Variants in CDK13 observed in about 807,000 individuals in gnomAD.
The protein encoded by CDK13 is cyclin-dependent kinase 13.
CDK13 carries 40 observed loss-of-function variants against 137.6 expected under a neutral mutation model. The ratio of observed to expected loss-of-function variants is 0.29; its 90% CI spans 0.23 to 0.38. CDK13 has a LOEUF of 0.38. CDK13 is among the 10% of genes least tolerant of loss of function. CDK13 has a pLI of 1.00. For missense variants in CDK13, 1,704 were observed against 1,951.8 expected (o/e 0.87, Z 2.39); for synonymous variants, 869 against 760.1 (o/e 1.14, Z -2.36).
chr7:40,014,267 C>T (rs1022438639), intron 5 of CDK13, among the ~76,000 whole-genome samples: 2 of 151,630 alleles, frequency 1.3e-5, no homozygotes, highest in Admixed American at 6.6e-5. Context: ...CGGGGTTTCA[C>T]CATGTTGGTC....
chr7:40,025,660 C>T (rs1057181604), intron 5 of CDK13, among the ~76,000 whole-genome samples: 6 of 152,128 alleles, frequency 3.9e-5, no homozygotes, highest in African/African-American at 7.2e-5. Flanking sequence ...TTTTAAAACA[C>T]ATTTTTATAA....
intron 5 of CDK13, among the ~76,000 whole-genome samples, chr7:40,031,828 G>GTTGTTATTA (rs1279341093): frequency 4.3e-5 from 6 of 139,106 alleles, no homozygotes; most frequent in African/African-American, 7.9e-5. Flanking sequence ...TATTATTATT[G>GTTGTTATTA]TTATTATTAT....
intron 1 of CDK13, among the ~76,000 whole-genome samples, chr7:39,981,031 T>C (rs75094942): frequency 0.039 from 5,967 of 152,222 alleles, 344 homozygotes; most frequent in African/African-American, 0.13. Flanking sequence ...ACAGGTAATA[T>C]GTATTCATTA....
chr7:40,082,486 CAAAAAAAAAAAAAAAAAA>C (rs70996879), intron 11 of CDK13, among the ~76,000 whole-genome samples: 21,056 of 76,474 alleles, frequency 0.28, 5,242 homozygotes, highest in African/African-American at 0.6. Context: ...ACTCCATTTC[CAAAAAAAAAAAAAAAAAA>C]AAAAAAAAAG....
At position 39,996,961 on chromosome 7, in the gene CDK13, C is replaced by CAAAAAAAAAAAA. The variant is rs72210233; in HGVS notation, c.1872-529_1872-518dup. On this transcript the variant is annotated intron_variant, in intron 2 of 13. Transcript: ENST00000181839. ...CTTGGGTGACAGTGAGATTCCATCT[C>CAAAAAAAAAAAA]AAAAAAAAAAAAAAAGAAAAAAAAA... Among the ~76,000 whole-genome samples, 94 of 83,182 alleles carry CAAAAAAAAAAAA rather than the reference C, an allele frequency of 1.1e-3. 6 individuals are homozygous for CAAAAAAAAAAAA. The highest frequency in any genetic ancestry group is 6.5e-3 in the African/African-American group (83 of 12,674). The allele number at this position is 83,182 out of a possible 152,430, so 54.6% of individuals were successfully genotyped here. A position where few individuals can be genotyped will look rare whatever the true frequency, so the allele number is the denominator to read the frequency against.
intron 11 of CDK13, among the ~76,000 whole-genome samples, chr7:40,081,136 G>A (rs1786654787): frequency 6.6e-6 from 1 of 151,934 alleles, no homozygotes; most frequent in Admixed American, 6.6e-5. Flanking sequence ...TAGCTCTTTG[G>A]TAAAATATTT....
Position 40,045,934 on chromosome 7 carries a change from A to G in CDK13, c.2452A>G (p.Met818Val). 6.2e-7 allele frequency: 1 copy of G among 1,613,048 alleles called. No homozygotes were observed. Among genetic ancestry groups the G allele is most frequent in the Non-Finnish European group, 8.5e-7 (1 of 1,179,114 alleles). ...TAATGAAAATCACATAAAGTCATTT[A>G]TGAGACAGCTCATGGAGGGTCTGGA... is the stretch of plus-strand genomic sequence containing the variant. ...HFNENHIKSF[M>V]RQLMEGLDYC... is the part of the protein sequence containing the mutation. Residue 818 changes from methionine to valine, a missense_variant, in exon 6 of 14, where the codon ATG becomes GTG. Around this residue, in one of 5 missense-constraint regions of CDK13, gnomAD observed 130 missense variants for 362.4 expected, o/e 0.36. Coordinates refer to ENST00000181839, the MANE Select transcript of CDK13 (RefSeq NM_003718.5).
At chr7:40,023,777 G>T (rs1441125399) in intron 5 of CDK13, among the ~76,000 whole-genome samples, 3 of 152,122 alleles carry the variant, frequency 2.0e-5, no homozygotes, top group South Asian at 2.1e-4. Context: ...GAGCCACCAC[G>T]CCCGGCCCTG....
chr7:40,079,084 C>T (rs1358916356), intron 11 of CDK13, among the ~76,000 whole-genome samples: 1 of 152,016 alleles, frequency 6.6e-6, no homozygotes, highest in Non-Finnish European at 1.5e-5. Flanking sequence ...TAATTTTAGG[C>T]TTGATTGACC....
At chr7:40,043,096 C>G (rs139951377) in intron 5 of CDK13, among the ~76,000 whole-genome samples, 1,885 of 152,306 alleles carry the variant, frequency 0.012, 17 homozygotes, top group Non-Finnish European at 0.017. Flanking sequence ...CCTTTTATCT[C>G]TCTTCCATAT....
At chr7:40,047,118 C>G (rs1347933853) in intron 6 of CDK13, among the ~76,000 whole-genome samples, 1 of 151,230 alleles carries the variant, frequency 6.6e-6, no homozygotes, top group African/African-American at 2.4e-5. Flanking sequence ...GTGAATGGAT[C>G]ATCTGATAAG....
intron 1 of CDK13, chr7:39,984,490 T>G (rs780035322): frequency 6.6e-6 from 1 of 152,246 alleles, no homozygotes; most frequent in African/African-American, 2.4e-5. Flanking sequence ...TAAAAAAATT[T>G]TGTGGGTGCA....
intron 2 of CDK13, among the ~76,000 whole-genome samples, chr7:39,989,927 C>T (rs1394090497): frequency 3.5e-5 from 4 of 114,722 alleles, no homozygotes; most frequent in Admixed American, 9.6e-5. Context: ...GGACTACAGG[C>T]GCCCGCCACC....
intron 5 of CDK13, among the ~76,000 whole-genome samples, chr7:40,004,376 A>G (rs917755619): frequency 6.6e-6 from 1 of 152,162 alleles, no homozygotes; most frequent in Non-Finnish European, 1.5e-5. Flanking sequence ...CCTGTTTGTA[A>G]TTCTATGCAT....
intron 1 of CDK13, among the ~76,000 whole-genome samples, chr7:39,960,214 C>G (rs921996180): frequency 4.6e-5 from 5 of 109,426 alleles, no homozygotes; most frequent in African/African-American, 1.4e-4. Flanking sequence ...TTCATTTGAT[C>G]ATTTTTTTTT....
intron 1 of CDK13, among the ~76,000 whole-genome samples, chr7:39,960,004 C>T (rs1787557024): frequency 6.6e-6 from 1 of 151,542 alleles, no homozygotes; most frequent in Admixed American, 6.6e-5. Context: ...TCCCAGGTAC[C>T]TAGTGTCAAA....
At position 39,950,532 on chromosome 7, in the gene CDK13, G is replaced by C. The variant is rs1169178812; in HGVS notation, c.-110G>C. ...CGTGGCGCTTTTCCCGGCCGGCTCT[G>C]GTGCTCGGTGTCCCTCCGCCGCCGC... On this transcript the variant is annotated 5_prime_UTR_variant, in exon 1 of 14. Transcript: ENST00000181839. 1.6e-6 allele frequency: 2 copies of C among 1,269,214 alleles called. No homozygotes were observed. Among genetic ancestry groups the C allele is most frequent in the Admixed American group, 8.4e-5 (2 of 23,778 alleles). The allele number at this position is 1,269,214 out of a possible 1,614,324, so 78.6% of individuals were successfully genotyped here.
At chr7:39,965,275 A>G (rs1045143638) in intron 1 of CDK13, among the ~76,000 whole-genome samples, 2 of 152,134 alleles carry the variant, frequency 1.3e-5, no homozygotes, top group Non-Finnish European at 2.9e-5. Context: ...GTAGGTCTCT[A>G]AGGACTTGCT....
intron 1 of CDK13, among the ~76,000 whole-genome samples, chr7:39,983,740 G>A (rs1784278778): frequency 6.6e-6 from 1 of 152,146 alleles, no homozygotes; most frequent in Non-Finnish European, 1.5e-5. Context: ...TATCAGACTT[G>A]TTTGGAGCTC....
Sources: gnomAD v4.1 joint callset for allele counts (sites outside exome capture counted in the v4.1 genomes callset) on GRCh38, gnomAD v4.1.1 for gene constraint, gnomAD v4.1.1 regional missense constraint, MANE v1.5 for transcripts, NCBI Gene and HGNC (gene_info 2026-07-23, HGNC 2026-07-21) for gene names.